Variants in RBL1 observed in about 807,000 individuals in gnomAD.
The protein encoded by RBL1 is RB transcriptional corepressor like 1.
In RBL1, 82 loss-of-function variants were observed where a neutral mutation model predicts 123.0. The ratio of observed to expected loss-of-function variants is 0.67; its 90% CI spans 0.56 to 0.80. RBL1 has a LOEUF of 0.80. Ranked by LOEUF, RBL1 falls within the 30% of genes least tolerant of loss-of-function variation. RBL1 has a pLI of 0.00. For synonymous variants in RBL1, 405 were observed against 441.3 expected (o/e 0.92, Z 1.03); for missense variants, 1,171 against 1,299.6 (o/e 0.90, Z 1.52).
intron 21 of RBL1, among the ~76,000 whole-genome samples, chr20:37,000,690 C>G (rs2063958723): frequency 7.8e-6 from 1 of 128,906 alleles, no homozygotes; most frequent in Admixed American, 7.4e-5. Flanking sequence ...AGCCCCTCTG[C>G]CCGGCCAGCC....
intron 1 of RBL1, among the ~76,000 whole-genome samples, chr20:37,093,047 TAAG>T (rs1396843289): frequency 6.6e-6 from 1 of 152,042 alleles, no homozygotes; most frequent in Non-Finnish European, 1.5e-5. Flanking sequence ...ATACAAGCTA[TAAG>T]AAGAACTGAA....
Position 37,040,187 on chromosome 20 carries a change from C to T in RBL1, c.1869G>A (p.Lys623=). The T allele has an allele frequency of 6.2e-7, 1 of 1,613,974 alleles. No individual in the cohort carries two copies. ...PMSPLMHPRV[K]EVRTDSGSLR... ...GACTCCCACTGTCAGTTCGAACTTCCTTGACTCTTGGGTGCATTAGAGGAG... is the reference window on the plus strand; with the variant it reads ...GACTCCCACTGTCAGTTCGAACTTCTTTGACTCTTGGGTGCATTAGAGGAG... The change falls in exon 14 of 22, where the codon AAG becomes AAA. Residue 623 remains lysine, a synonymous_variant. Coordinates refer to ENST00000373664, the MANE Select transcript of RBL1 (RefSeq NM_002895.5).
intron 13 of RBL1, 140 bp downstream of exon 13, chr20:37,043,946 C>G (rs372878086): frequency 1.1e-5 from 6 of 564,280 alleles, no homozygotes; most frequent in Non-Finnish European, 1.7e-5. Flanking sequence ...TATGGCTGCA[C>G]ATATCTATTT....
chr20:37,082,088 G>C (rs2065461482), intron 2 of RBL1: 3 of 448,342 alleles, frequency 6.7e-6, no homozygotes, highest in South Asian at 3.1e-5. Context: ...GGCTGGGCCA[G>C]GATCATAAGG....
intron 19 of RBL1, among the ~76,000 whole-genome samples, chr20:37,011,433 ATTTTTTT>A (rs5841248): frequency 7.4e-6 from 1 of 135,734 alleles, no homozygotes; most frequent in Admixed American, 7.7e-5. Context: ...CAAGGTCAGA[ATTTTTTT>A]TTTTTTTTTT....
At chr20:37,072,295 C>A (rs554084421) in intron 2 of RBL1, among the ~76,000 whole-genome samples, 95 of 152,242 alleles carry the variant, frequency 6.2e-4, no homozygotes, top group Middle Eastern at 3.4e-3. Context: ...ATGGAGAAAC[C>A]CTGTCTCTAC....
At chr20:37,090,545 C>T (rs1040239983) in intron 1 of RBL1, among the ~76,000 whole-genome samples, 3 of 152,222 alleles carry the variant, frequency 2.0e-5, no homozygotes, top group Middle Eastern at 3.4e-3. Context: ...ATTAATCTTA[C>T]GCAACATGAA....
At chr20:37,068,337 A>T (rs1175464004) in intron 2 of RBL1, 151 bp from the exon 3 acceptor site, 55 of 1,207,116 alleles carry the variant, frequency 4.6e-5, no homozygotes, top group Non-Finnish European at 6.0e-5. Flanking sequence ...ACAAAAATTT[A>T]AAAAATTAGC....
chr20:37,072,917 CA>C (rs1190339306), intron 2 of RBL1, among the ~76,000 whole-genome samples: 1 of 152,082 alleles, frequency 6.6e-6, no homozygotes, highest in Non-Finnish European at 1.5e-5. Context: ...ATCACCTATC[CA>C]ATACTTCTTT....
chr20:37,085,290 G>A (rs1311329609), intron 2 of RBL1, among the ~76,000 whole-genome samples: 1 of 151,314 alleles, frequency 6.6e-6, no homozygotes, highest in African/African-American at 2.4e-5. Context: ...CCGCAACCAC[G>A]CCCAGCTAAT....
In RBL1 at chr20:36,997,282, C is replaced by T. The variant is rs2063898483; in HGVS notation, c.*1477G>A. 1 of 151,916 alleles carries T rather than the reference C, an allele frequency of 6.6e-6. No individual in the cohort carries two copies. The highest frequency in any genetic ancestry group is 1.5e-5 in the Non-Finnish European group (1 of 68,050). 9.4% of individuals were successfully genotyped at this position (151,916 alleles called of 1,614,324 possible). A position where few individuals can be genotyped will look rare whatever the true frequency, so the allele number is the denominator to read the frequency against. ...CATCCCTAACACTGAAAAAAGCATC[C>T]CTAGTACTGAAAAACATCTTCAGGA... On this transcript the variant is annotated 3_prime_UTR_variant, in exon 22 of 22. Coordinates refer to ENST00000373664, the MANE Select transcript of RBL1 (RefSeq NM_002895.5).
At chr20:37,063,849 G>A (rs1326029460) in intron 7 of RBL1, among the ~76,000 whole-genome samples, 1 of 149,262 alleles carries the variant, frequency 6.7e-6, no homozygotes, top group African/African-American at 2.5e-5. Context: ...TGGAAATAGG[G>A]TCTCACTCCG....
chr20:37,031,798 G>T (rs138689800), intron 16 of RBL1, among the ~76,000 whole-genome samples: 5 of 152,122 alleles, frequency 3.3e-5, no homozygotes, highest in African/African-American at 1.2e-4. Context: ...GAGCGCAGTG[G>T]TGTGATCTCG....
chr20:37,094,559 G>A (rs898385736), intron 1 of RBL1, among the ~76,000 whole-genome samples: 5 of 152,024 alleles, frequency 3.3e-5, no homozygotes, highest in Admixed American at 1.3e-4. Context: ...GCACATGAAA[G>A]CCTTTGAACA....
intron 2 of RBL1, among the ~76,000 whole-genome samples, chr20:37,071,029 G>C (rs1389737393): frequency 2.0e-5 from 3 of 151,910 alleles, no homozygotes; most frequent in African/African-American, 7.3e-5. Flanking sequence ...CTGACAGCTG[G>C]GACTACAGGT....
intron 16 of RBL1, among the ~76,000 whole-genome samples, chr20:37,027,054 A>G (rs538494194): frequency 1.3e-5 from 2 of 151,272 alleles, no homozygotes; most frequent in Non-Finnish European, 2.9e-5. Flanking sequence ...TTATTACAAG[A>G]ACAATTAGTT....
intron 3 of RBL1, among the ~76,000 whole-genome samples, chr20:37,067,766 C>CAAAAA (rs1168742059): frequency 1.5e-3 from 92 of 62,620 alleles, no homozygotes; most frequent in East Asian, 3.1e-3. Flanking sequence ...TGAGACTCCT[C>CAAAAA]AAAAAAAAAA....
chr20:37,064,533 C>T (rs912309699), intron 7 of RBL1, among the ~76,000 whole-genome samples: 2 of 151,986 alleles, frequency 1.3e-5, no homozygotes, highest in South Asian at 2.1e-4. Flanking sequence ...TGCTTGAGGC[C>T]AGGAATTAGA....
intron 9 of RBL1, among the ~76,000 whole-genome samples, chr20:37,060,240 T>G (rs146687850): frequency 0.014 from 2,091 of 152,050 alleles, 27 homozygotes; most frequent in Non-Finnish European, 0.02. Flanking sequence ...ACCACCAATA[T>G]GCAATTAGTC....
Sources: gnomAD v4.1 joint callset for allele counts (sites outside exome capture counted in the v4.1 genomes callset) on GRCh38, gnomAD v4.1.1 for gene constraint, MANE v1.5 for transcripts, NCBI Gene and HGNC (gene_info 2026-07-23, HGNC 2026-07-21) for gene names.